Variants in PSMA6 observed in about 807,000 individuals in gnomAD.
PSMA6 encodes proteasome 20S subunit alpha 6.
For missense variants in PSMA6, 170 were observed against 294.8 expected (o/e 0.58, Z 3.10); for synonymous variants, 88 against 97.7 (o/e 0.90, Z 0.59).
chr14:35,282,813 C>T (rs866740223), intron 1 of PSMA6, among the ~76,000 whole-genome samples: 19 of 151,946 alleles, frequency 1.3e-4, no homozygotes, highest in Admixed American at 3.9e-4. Context: ...CAAGATCGAG[C>T]CACTGCACTC....
chr14:35,308,263 A>C (rs2051869378), intron 2 of PSMA6, 175 bp downstream of exon 2: 1 of 703,140 alleles, frequency 1.4e-6, no homozygotes, highest in Non-Finnish European at 2.1e-6. Context: ...CTCTATTAAA[A>C]ATACAAAATT....
intron 2 of PSMA6, 69 bp from the exon 3 acceptor site, chr14:35,308,845 T>G: frequency 8.7e-7 from 1 of 1,148,718 alleles, no homozygotes. Flanking sequence ...AAAAACATAA[T>G]TTTTTTTATA....
upstream of PSMA6, among the ~76,000 whole-genome samples, chr14:35,290,641 C>T (rs1023351571): frequency 6.6e-6 from 1 of 152,132 alleles, no homozygotes; most frequent in Admixed American, 6.6e-5. Flanking sequence ...GAGTAAGAAT[C>T]CCTACTTCAG....
At chr14:35,315,034 T>C (rs2052020324) in intron 6 of PSMA6, 1 of 151,360 alleles carries the variant, frequency 6.6e-6, no homozygotes, top group Non-Finnish European at 1.5e-5. Flanking sequence ...ATAGCTTCCA[T>C]GATTCAAATC....
intron 1 of PSMA6, among the ~76,000 whole-genome samples, chr14:35,279,137 T>A (rs12893573): frequency 6.6e-6 from 1 of 152,132 alleles, no homozygotes; most frequent in African/African-American, 2.4e-5. Flanking sequence ...AACCTCCGCC[T>A]CCCTGGTTCA....
Position 35,292,446 on chromosome 14 carries a change from G to A in PSMA6, c.-31G>A, listed in dbSNP as rs1447126489. ...CTGGTGCGGGAGCTACGGGGCCCAG[G>A]GATTGTGTTTAAAGTAGTGCTTCTA... is the stretch of plus-strand genomic sequence containing the variant. On this transcript the variant is annotated 5_prime_UTR_variant, in exon 1 of 7. Transcript: ENST00000261479. The A allele has an allele frequency of 1.2e-6, 2 of 1,604,020 alleles. No homozygotes were observed. Among genetic ancestry groups the A allele is most frequent in the Admixed American group, 1.7e-5 (1 of 58,800 alleles).
intron 3 of PSMA6, chr14:35,310,313 C>T (rs752518976): frequency 1.3e-5 from 5 of 380,072 alleles, no homozygotes; most frequent in South Asian, 5.6e-5. Flanking sequence ...TGCACCACCA[C>T]GTGCAGCTAA....
upstream of PSMA6, among the ~76,000 whole-genome samples, chr14:35,287,455 G>A (rs549999956): frequency 3.3e-5 from 5 of 152,064 alleles, no homozygotes; most frequent in African/African-American, 7.2e-5. Flanking sequence ...TGAAACTGCC[G>A]GCAGAGCACC....
At chr14:35,297,119 G>GT (rs924383407) in intron 1 of PSMA6, among the ~76,000 whole-genome samples, 12,305 of 62,686 alleles carry the variant, frequency 0.2, 2,608 homozygotes, top group African/African-American at 0.22. Context: ...TCTTAACAAA[G>GT]TTTTTTTTTT....
chr14:35,292,612 G>C, intron 1 of PSMA6, 60 bp downstream of exon 1: 4 of 1,587,792 alleles, frequency 2.5e-6, no homozygotes, highest in Non-Finnish European at 3.4e-6. Context: ...TACGTGCCTG[G>C]AGCGAGCAGA....
At chr14:35,306,872 C>T (rs1037708365) in intron 1 of PSMA6, among the ~76,000 whole-genome samples, 30 of 151,862 alleles carry the variant, frequency 2.0e-4, no homozygotes, top group African/African-American at 7.3e-4. Context: ...GTTGGCCTGG[C>T]ATGGTGGCTC....
chr14:35,308,034 A>C lies in PSMA6; in HGVS notation c.117A>C (p.Ser39=), dbSNP rs1288616273. 6.2e-7 allele frequency: 1 copy of C among 1,614,074 alleles called. No homozygotes were observed. The highest frequency in any genetic ancestry group is 1.1e-5 in the South Asian group (1 of 91,080). The stretch of plus-strand genomic sequence containing the variant: ...CTATTAACCAGGGTGGCCTTACATC[A>C]GTAGCTGTCAGAGGGAAAGACTGTG... The part of the protein sequence containing the change: ...FKAINQGGLT[S]VAVRGKDCAV... The change falls in exon 2 of 7, where the codon TCA becomes TCC. Residue 39 remains serine (S), a synonymous_variant. Coordinates refer to ENST00000261479, the MANE Select transcript of PSMA6 (RefSeq NM_002791.3).
intron 1 of PSMA6, among the ~76,000 whole-genome samples, chr14:35,286,341 T>A (rs2138705374): frequency 6.6e-6 from 1 of 152,326 alleles, no homozygotes; most frequent in African/African-American, 2.4e-5. Context: ...CTTCCTGTGT[T>A]AACATGCCTA....
intron 6 of PSMA6, 92 bp from the exon 7 acceptor site, chr14:35,317,157 G>A: frequency 3.4e-6 from 3 of 884,896 alleles, no homozygotes; most frequent in Non-Finnish European, 5.8e-6. Context: ...AGGTTGATAG[G>A]TATATGGGAG....
At chr14:35,301,712 T>A (rs898151521) in intron 1 of PSMA6, among the ~76,000 whole-genome samples, 2 of 152,216 alleles carry the variant, frequency 1.3e-5, no homozygotes, top group African/African-American at 4.8e-5. Flanking sequence ...CACAGGTGCA[T>A]TCTCTGTTGA....
Position 35,292,569 on chromosome 14 carries a change from C to T in PSMA6, c.76+17C>T. ...ACCAAGTAGGTGAGTGAACCAGGTTCGCCTGTGGGCCACCTGAATTGCCCT... is the reference window on the plus strand; with the variant it reads ...ACCAAGTAGGTGAGTGAACCAGGTTTGCCTGTGGGCCACCTGAATTGCCCT... On this transcript the variant is annotated intron_variant, in intron 1 of 6. Coordinates refer to ENST00000261479, the MANE Select transcript of PSMA6 (RefSeq NM_002791.3). The T allele has an allele frequency of 1.2e-6, 2 of 1,611,854 alleles. No homozygotes were observed. Among genetic ancestry groups the T allele is most frequent in the Non-Finnish European group, 1.7e-6 (2 of 1,178,736 alleles).
At chr14:35,309,236 C>A (rs1268815144) in intron 3 of PSMA6, among the ~76,000 whole-genome samples, 2 of 152,094 alleles carry the variant, frequency 1.3e-5, no homozygotes, top group African/African-American at 4.8e-5. Context: ...GGGCTGAGGG[C>A]CCTTTCATAG....
At chr14:35,280,182 G>A (rs1361146250) in intron 1 of PSMA6, among the ~76,000 whole-genome samples, 1 of 151,602 alleles carries the variant, frequency 6.6e-6, no homozygotes, top group African/African-American at 2.4e-5. Flanking sequence ...GCTCACGCCT[G>A]TAATCCCAGC....
At chr14:35,285,683 A>G (rs1171659937) in intron 1 of PSMA6, among the ~76,000 whole-genome samples, 1 of 152,204 alleles carries the variant, frequency 6.6e-6, no homozygotes, top group East Asian at 1.9e-4. Context: ...TGACTGGCCA[A>G]TCTCTGCACC....
Sources: allele counts gnomAD v4.1 joint callset (sites outside exome capture counted in the v4.1 genomes callset), GRCh38; gene constraint gnomAD v4.1.1; transcripts MANE v1.5; gene names NCBI Gene and HGNC (gene_info 2026-07-23, HGNC 2026-07-21).